ABR: variants seen among roughly 807,000 people sequenced by gnomAD.
ABR encodes the protein ABR activator of RhoGEF and GTPase, also known as active breakpoint cluster region-related protein.
A neutral mutation model predicts 107.2 loss-of-function variants in ABR; 35 were observed. The observed-to-expected ratio is 0.33, with a 90% CI of 0.25 to 0.43. ABR has a LOEUF of 0.43. ABR is among the 20% of genes least tolerant of loss of function. The pLI is 1.00. For synonymous variants in ABR, 498 were observed against 462.0 expected (o/e 1.08, Z -1.00); for missense variants, 815 against 1,115.2 (o/e 0.73, Z 3.83).
At chr17:1,012,190 A>G (rs1414463360) in intron 18 of ABR, 1 of 790,998 alleles carries the variant, frequency 1.3e-6, no homozygotes, top group South Asian at 1.5e-5. Flanking sequence ...GCATCGACGG[A>G]CGTGGGCAGG....
rs1200505336 is a variant in ABR, at chr17:1,010,871, G to C, written c.2102-8C>G. ...GCAGGATGTCCTTGTTATCTGCAGG[G>C]GTGGGGCCGAGGTCAGGCAGCCTTA... is the stretch of plus-strand genomic sequence containing the variant. On this transcript the variant is annotated splice_polypyrimidine_tract_variant and splice_region_variant and intron_variant, in intron 19 of 22. Transcript: ENST00000302538. This position sits in a 1 kb window ranked among gnomAD's most constrained non-coding sequence, Gnocchi z 4.1. 1 of 1,613,312 alleles carries C rather than the reference G, an allele frequency of 6.2e-7. No individual in the cohort carries two copies.
intron 6 of ABR, among the ~76,000 whole-genome samples, 189 bp from the exon 7 acceptor site, chr17:1,073,866 G>A (rs2035463393): frequency 6.6e-6 from 1 of 151,808 alleles, no homozygotes. Context: ...GCAGACACAG[G>A]TGACACACAG....
chr17:1,012,949 G>A (rs1398144702), intron 17 of ABR, 152 bp from the exon 18 acceptor site: 2 of 1,065,352 alleles, frequency 1.9e-6, no homozygotes, highest in Non-Finnish European at 2.8e-6. Context: ...ACAGCAGCGG[G>A]CAGGGTGTGG....
chr17:1,096,780 G>T (rs1232773863), intron 3 of ABR, among the ~76,000 whole-genome samples: 1 of 141,426 alleles, frequency 7.1e-6, no homozygotes, highest in African/African-American at 2.7e-5. Flanking sequence ...CGGGTGGAGA[G>T]AGCTGGGGGA....
chr17:1,084,421 C>T lies in ABR; in HGVS notation c.532-794G>A, dbSNP rs181882076. Among the ~76,000 whole-genome samples, 1 of 152,294 alleles carries T rather than the reference C, an allele frequency of 6.6e-6. No individual in the cohort carries two copies. Among genetic ancestry groups the T allele is most frequent in the Non-Finnish European group, 1.5e-5 (1 of 68,030 alleles). ...AAATGAAGATGCTGTCTTTCCATTT[C>T]CCTTGGCCTTGAGGCCCCGTCCTCA... On this transcript the variant is annotated intron_variant, in intron 4 of 22. Transcript: ENST00000302538. The surrounding 1 kb of genome is among the most constrained non-coding windows in gnomAD (Gnocchi z 4.2).
rs113370692 is a variant in ABR at position 1,014,933 on chromosome 17, C to A, written c.1792-1769G>T. ...GGATCTTCTCTCCTTGAATTTGTTT[C>A]TATTCCATTTCTCCTAAAGAATGTT... On this transcript the variant is annotated intron_variant, in intron 16 of 22. Coordinates refer to ENST00000302538, the MANE Select transcript of ABR (RefSeq NM_021962.5). 8.1e-3 allele frequency among the ~76,000 whole-genome samples: 1,228 copies of A among 152,284 alleles called. 29 individuals carry two copies. The highest frequency in any genetic ancestry group is 0.028 in the African/African-American group (1,144 of 41,560).
chr17:1,113,917 C>T (rs191531083), intron 2 of ABR, among the ~76,000 whole-genome samples: 1 of 152,250 alleles, frequency 6.6e-6, no homozygotes, highest in Non-Finnish European at 1.5e-5. Context: ...CCTGAAATCC[C>T]AACAGTTCGG....
chr17:1,084,064 T>TC lies in ABR; in HGVS notation c.532-438dup, dbSNP rs918286423. ...CTGGCACGTGTGGCCTGCTCAGGCC[T>TC]CCCTCCCCACGTGCAGCGTGGGGAA... On this transcript the variant is annotated intron_variant, in intron 4 of 22. Coordinates refer to ENST00000302538, the MANE Select transcript of ABR (RefSeq NM_021962.5). The surrounding 1 kb of genome is among the most constrained non-coding windows in gnomAD (Gnocchi z 4.2). Among the ~76,000 whole-genome samples, 10 of 152,236 alleles carry TC rather than the reference T, an allele frequency of 6.6e-5. No homozygotes were observed. The highest frequency in any genetic ancestry group is 2.2e-4 in the African/African-American group (9 of 41,546).
chr17:1,149,178 C>T (rs1370310959), intron 1 of ABR, among the ~76,000 whole-genome samples: 2 of 152,100 alleles, frequency 1.3e-5, no homozygotes, highest in Non-Finnish European at 2.9e-5. Context: ...GCTGGGATTA[C>T]AGGCGTGAGC....
At chr17:1,069,449 A>T (rs2035031535) in intron 9 of ABR, among the ~76,000 whole-genome samples, 1 of 152,146 alleles carries the variant, frequency 6.6e-6, no homozygotes, top group South Asian at 2.1e-4. Flanking sequence ...AGATCACCTG[A>T]GGTTGGGAGT....
chr17:1,170,006 G>A (rs1428697054), intron 1 of ABR, among the ~76,000 whole-genome samples: 1 of 111,798 alleles, frequency 8.9e-6, no homozygotes, highest in East Asian at 3.3e-4. Flanking sequence ...GTGTGTGTGT[G>A]TGGGGGGGGG....
intron 2 of ABR, among the ~76,000 whole-genome samples, chr17:1,123,009 C>T (rs1567795235): frequency 6.6e-6 from 1 of 152,340 alleles, no homozygotes; most frequent in Admixed American, 6.5e-5. Flanking sequence ...GCCAAATAAG[C>T]ACAGCCAAGC....
rs140297698 is a variant in ABR, at chr17:1,216,487, C to A, written c.838+12306G>T. Among the ~76,000 whole-genome samples the A allele has an allele frequency of 6.2e-4, 94 of 152,340 alleles. 1 individual carries two copies. In the East Asian group the frequency reaches 0.016, roughly 26 times the overall value. Reference sequence around the variant, plus strand: ...AAAGCTGACGCCATTGGCAAAATCACGTCCAGCCTGAAGGGGCCCGTCGGC... The same window carrying A: ...AAAGCTGACGCCATTGGCAAAATCAAGTCCAGCCTGAAGGGGCCCGTCGGC... On this transcript the variant is annotated intron_variant, in intron 1 of 22. Transcript: ENST00000574139.
At chr17:1,164,942 G>T (rs566928319) in intron 1 of ABR, among the ~76,000 whole-genome samples, 10 of 152,264 alleles carry the variant, frequency 6.6e-5, no homozygotes, top group African/African-American at 2.4e-4. Flanking sequence ...AGCCATATGG[G>T]ATATACTTAT....
At chr17:1,195,052 A>C (rs1164286357) in intron 1 of ABR, among the ~76,000 whole-genome samples, 87 of 145,426 alleles carry the variant, frequency 6.0e-4, no homozygotes, top group Middle Eastern at 3.5e-3. Context: ...TCACGCCTGT[A>C]ATCCCAGCAC....
chr17:1,032,702 T>G (rs2072909027), intron 16 of ABR, among the ~76,000 whole-genome samples: 1 of 151,936 alleles, frequency 6.6e-6, no homozygotes, highest in Non-Finnish European at 1.5e-5. Context: ...TTCAATTTAT[T>G]TAGTGAACTT....
chr17:1,023,482 G>C (rs2150843166), intron 16 of ABR, among the ~76,000 whole-genome samples: 1 of 152,350 alleles, frequency 6.6e-6, no homozygotes, highest in Non-Finnish European at 1.5e-5. Flanking sequence ...GCCCAGGGCA[G>C]GTCGAGGATG....
intron 21 of ABR, among the ~76,000 whole-genome samples, chr17:1,008,822 C>G (rs867946328): frequency 1.3e-5 from 2 of 152,184 alleles, no homozygotes; most frequent in African/African-American, 2.4e-5. Context: ...CACCTCCCCA[C>G]GCAAGCCTGA....
intron 2 of ABR, among the ~76,000 whole-genome samples, chr17:1,112,977 A>AG (rs2038780639): frequency 6.7e-6 from 1 of 149,474 alleles, no homozygotes; most frequent in Non-Finnish European, 1.5e-5. Context: ...ATCAGCAAGC[A>AG]TTTGTTAACG....
Sources: gnomAD v4.1 joint callset for allele counts (sites outside exome capture counted in the v4.1 genomes callset) on GRCh38, gnomAD v4.1.1 for gene constraint, Gnocchi (gnomAD v3.1) non-coding constraint, MANE v1.5 for transcripts, NCBI Gene and HGNC (gene_info 2026-07-23, HGNC 2026-07-21) for gene names.